Variants in BMPR1B observed in about 807,000 individuals in gnomAD.
BMPR1B encodes the protein bone morphogenetic protein receptor type 1B, also known as bone morphogenetic protein receptor type-1B.
A neutral mutation model predicts 59.1 loss-of-function variants in BMPR1B; 12 were observed. That is an observed-to-expected ratio of 0.20 (90% CI 0.13 to 0.33). BMPR1B has a LOEUF of 0.33. BMPR1B is among the 10% of genes least tolerant of loss of function. The pLI, the probability that BMPR1B is intolerant of heterozygous loss-of-function variation, is 1.00. For synonymous variants in BMPR1B, 237 were observed against 207.3 expected, an observed-to-expected ratio of 1.14 and a Z score of -1.23; for missense variants, 550 against 610.9, an observed-to-expected ratio of 0.90 and a Z score of 1.05.
At chr4:95,104,257 T>C in intron 3 of BMPR1B, 151 bp from the exon 4 acceptor site, 1 of 920,998 alleles carries the variant, frequency 1.1e-6, no homozygotes, top group Non-Finnish European at 1.6e-6. Context: ...GACATGATTT[T>C]AATCAAAATA....
At chr4:94,953,153 T>A (rs952367629) in intron 2 of BMPR1B, among the ~76,000 whole-genome samples, 2 of 152,178 alleles carry the variant, frequency 1.3e-5, no homozygotes, top group Non-Finnish European at 2.9e-5. Context: ...CCTATGTGTG[T>A]CTCTGCACGT....
In BMPR1B at chr4:95,144,858, C is replaced by G. The variant is rs142359729; in HGVS notation, c.1077-3890C>G. ...TTTTTAATGGGATATTTTCAGTTCTCCTTCGTAGCAGCTCATTTTCTCTGT... is the reference window on the plus strand; with the variant it reads ...TTTTTAATGGGATATTTTCAGTTCTGCTTCGTAGCAGCTCATTTTCTCTGT... On this transcript the variant is annotated intron_variant, in intron 10 of 12. Transcript: ENST00000515059. 2.8e-3 allele frequency among the ~76,000 whole-genome samples: 422 copies of G among 152,246 alleles called. 2 individuals carry two copies. Among genetic ancestry groups the G allele is most frequent in the African/African-American group, 9.2e-3 (384 of 41,558 alleles).
At chr4:95,122,319 G>A (rs1046600669) in intron 6 of BMPR1B, among the ~76,000 whole-genome samples, 4 of 149,834 alleles carry the variant, frequency 2.7e-5, no homozygotes, top group Non-Finnish European at 4.4e-5. Context: ...CTCGGCCACA[G>A]AGGAAGATCC....
At chr4:94,795,159 T>C (rs1433775713) in intron 1 of BMPR1B, among the ~76,000 whole-genome samples, 2 of 147,404 alleles carry the variant, frequency 1.4e-5, no homozygotes, top group African/African-American at 2.5e-5. Flanking sequence ...TGTGGGTTTG[T>C]CATAGATAGC....
chr4:94,800,047 T>C (rs1460266498), intron 1 of BMPR1B, among the ~76,000 whole-genome samples: 2 of 152,204 alleles, frequency 1.3e-5, no homozygotes, highest in African/African-American at 4.8e-5. Flanking sequence ...GTATTTTTGA[T>C]TGGGACAAGC....
chr4:94,945,426 T>TA (rs1320680611), intron 2 of BMPR1B, among the ~76,000 whole-genome samples: 1 of 152,144 alleles, frequency 6.6e-6, no homozygotes, highest in East Asian at 1.9e-4. Context: ...AGAGAAGAAA[T>TA]ATATCTACTT....
intron 2 of BMPR1B, among the ~76,000 whole-genome samples, chr4:94,912,169 C>T (rs557803209): frequency 1.3e-5 from 2 of 151,978 alleles, no homozygotes; most frequent in Admixed American, 6.6e-5. Context: ...AAAGCACCCC[C>T]ATGATTGAAT....
chr4:95,040,751 C>T (rs1725594601), intron 3 of BMPR1B, among the ~76,000 whole-genome samples: 1 of 152,050 alleles, frequency 6.6e-6, no homozygotes, highest in African/African-American at 2.4e-5. Flanking sequence ...AAACACAAAC[C>T]CTTTATAAGT....
chr4:94,937,200 G>A (rs980981266), intron 2 of BMPR1B, among the ~76,000 whole-genome samples: 3 of 152,094 alleles, frequency 2.0e-5, no homozygotes, highest in Admixed American at 1.3e-4. Context: ...TTAGTTGAAT[G>A]CCATTCCTAC....
intron 2 of BMPR1B, among the ~76,000 whole-genome samples, chr4:94,981,003 A>ACG: frequency 1.1e-5 from 1 of 90,842 alleles, no homozygotes; most frequent in East Asian, 3.1e-3. Flanking sequence ...ACACACACAC[A>ACG]CACACACACA....
intron 6 of BMPR1B, among the ~76,000 whole-genome samples, chr4:95,120,642 C>CTTCCTTCCTTCCTTCCTTCT (rs1560669243): frequency 6.8e-6 from 1 of 148,060 alleles, no homozygotes; most frequent in Admixed American, 6.7e-5. Context: ...TCCTTCCTTC[C>CTTCCTTCCTTCCTTCCTTCT]TTCCTTCCTT....
chr4:94,795,520 A>C (rs1026822821), intron 1 of BMPR1B, among the ~76,000 whole-genome samples: 2 of 151,982 alleles, frequency 1.3e-5, no homozygotes, highest in Non-Finnish European at 2.9e-5. Flanking sequence ...GTTGGAGTGC[A>C]GTGGCGTGAT....
intron 2 of BMPR1B, among the ~76,000 whole-genome samples, chr4:94,941,181 G>A (rs1348891807): frequency 6.6e-6 from 1 of 152,174 alleles, no homozygotes; most frequent in Non-Finnish European, 1.5e-5. Context: ...TGTAATCCCA[G>A]CACTTTGGGA....
rs1015747886 is a variant in BMPR1B at position 95,156,122 on chromosome 4, G to A, written c.*1449G>A. On this transcript the variant is annotated 3_prime_UTR_variant, in exon 13 of 13. Coordinates refer to ENST00000515059, the MANE Select transcript of BMPR1B (RefSeq NM_001203.3). Reference sequence around the variant, plus strand: ...CTCTTCACCTACTTAGTTCTACAGGGTTTTAACTTTGGAGCAACATGAATA... The same window carrying A: ...CTCTTCACCTACTTAGTTCTACAGGATTTTAACTTTGGAGCAACATGAATA... The A allele has an allele frequency of 3.3e-5, 5 of 152,018 alleles. No homozygotes were observed. The highest frequency in any genetic ancestry group is 2.1e-4 in the South Asian group (1 of 4,822). 9.4% of individuals were successfully genotyped at this position (152,018 alleles called of 1,614,324 possible). A position where few individuals can be genotyped will look rare whatever the true frequency, so the allele number is the denominator to read the frequency against.
chr4:94,896,384 C>A (rs1248468249), intron 2 of BMPR1B, among the ~76,000 whole-genome samples: 3 of 151,894 alleles, frequency 2.0e-5, no homozygotes, highest in Non-Finnish European at 4.4e-5. Flanking sequence ...TGAGAGATGA[C>A]TTTATGTGAT....
chr4:95,049,419 G>GTTTT (rs761496965), intron 3 of BMPR1B, among the ~76,000 whole-genome samples: 5 of 77,402 alleles, frequency 6.5e-5, no homozygotes, highest in Admixed American at 1.9e-4. Flanking sequence ...CAGCATAAAA[G>GTTTT]TTTTTTTTTT....
intron 1 of BMPR1B, among the ~76,000 whole-genome samples, chr4:94,840,784 A>G (rs1725027624): frequency 6.7e-6 from 1 of 148,842 alleles, no homozygotes; most frequent in African/African-American, 2.5e-5. Flanking sequence ...TTCTCCGTCC[A>G]GCTTTGTTCC....
chr4:95,089,067 T>G (rs1194251884), intron 3 of BMPR1B, among the ~76,000 whole-genome samples: 1 of 152,162 alleles, frequency 6.6e-6, no homozygotes, highest in Non-Finnish European at 1.5e-5. Context: ...GCCCCCATAT[T>G]AGTATTATGA....
At chr4:95,129,193 T>C (rs190978790) in intron 8 of BMPR1B, among the ~76,000 whole-genome samples, 1 of 152,320 alleles carries the variant, frequency 6.6e-6, no homozygotes, top group East Asian at 1.9e-4. Flanking sequence ...CTTGGCATGC[T>C]ACCAACCCAT....
Sources: gnomAD v4.1 joint callset for allele counts (sites outside exome capture counted in the v4.1 genomes callset) on GRCh38, gnomAD v4.1.1 for gene constraint, MANE v1.5 for transcripts, NCBI Gene and HGNC (gene_info 2026-07-23, HGNC 2026-07-21) for gene names.